Variants in OSBPL3 observed in about 807,000 individuals in gnomAD.
OSBPL3 encodes oxysterol binding protein like 3, also known as oxysterol-binding protein-related protein 3.
OSBPL3 carries 65 observed loss-of-function variants against 120.1 expected under a neutral mutation model. The observed-to-expected ratio is 0.54, with a 90% CI of 0.44 to 0.67. The LOEUF (loss-of-function observed/expected upper bound fraction) is 0.67, where lower values mean the gene tolerates loss of function less well. Ranked by LOEUF, OSBPL3 falls within the 30% of genes least tolerant of loss-of-function variation. OSBPL3 has a pLI of 0.00. For synonymous variants in OSBPL3, 416 were observed against 402.6 expected (o/e 1.03, Z -0.40); for missense variants, 1,004 against 1,082.1 (o/e 0.93, Z 1.01).
intron 1 of OSBPL3, among the ~76,000 whole-genome samples, chr7:24,904,958 TGTGA>T (rs200892787): frequency 6.8e-4 from 101 of 148,236 alleles, no homozygotes; most frequent in African/African-American, 7.9e-4. Flanking sequence ...TGTGTGTGTG[TGTGA>T]ATAAAGTTAA....
At chr7:24,915,054 T>C (rs1483599489) in intron 1 of OSBPL3, among the ~76,000 whole-genome samples, 2 of 152,218 alleles carry the variant, frequency 1.3e-5, no homozygotes, top group Non-Finnish European at 2.9e-5. Flanking sequence ...CTTTCTACTA[T>C]CTTCAGATGG....
chr7:24,845,063 G>GT (rs1324315030), intron 12 of OSBPL3, among the ~76,000 whole-genome samples: 1 of 151,922 alleles, frequency 6.6e-6, no homozygotes, highest in Non-Finnish European at 1.5e-5. Context: ...GTCTTTGCTT[G>GT]TATCATGTTA....
chr7:24,862,625 T>A lies in OSBPL3; in HGVS notation c.870+575A>T, dbSNP rs1800726564. On this transcript the variant is annotated intron_variant, in intron 9 of 22. Transcript: ENST00000313367. The surrounding 1 kb of genome is among the most constrained non-coding windows in gnomAD (Gnocchi z 4.4). ...TATGTTGATTCTAAAACTGTTGCAATTAATATGCAACAGTTAAGCTGCAAA... is the reference window on the plus strand; with the variant it reads ...TATGTTGATTCTAAAACTGTTGCAAATAATATGCAACAGTTAAGCTGCAAA... Among the ~76,000 whole-genome samples the A allele has an allele frequency of 6.6e-6, 1 of 152,144 alleles. No homozygotes were observed. The highest frequency in any genetic ancestry group is 1.5e-5 in the Non-Finnish European group (1 of 68,032).
chr7:24,884,779 T>G (rs543445066), intron 2 of OSBPL3, among the ~76,000 whole-genome samples: 52 of 152,184 alleles, frequency 3.4e-4, no homozygotes, highest in Non-Finnish European at 2.9e-4. Flanking sequence ...CAGCCGGAGA[T>G]TCAAACACTG....
At chr7:24,828,976 A>C (rs1796058098) in intron 16 of OSBPL3, among the ~76,000 whole-genome samples, 1 of 152,156 alleles carries the variant, frequency 6.6e-6, no homozygotes, top group Non-Finnish European at 1.5e-5. Context: ...GTCTTTGTGC[A>C]CATGTGCCCA....
In OSBPL3 at chr7:24,862,881, A is replaced by T. The variant is rs749880784; in HGVS notation, c.870+319T>A. ...CAGCCACAAAACAAGGCACAAACAC[A>T]AGCAGGGAAGAGCACAGGCAGGCTC... On this transcript the variant is annotated intron_variant, in intron 9 of 22. Coordinates refer to ENST00000313367, the MANE Select transcript of OSBPL3 (RefSeq NM_015550.4). The surrounding 1 kb of genome is among the most constrained non-coding windows in gnomAD (Gnocchi z 4.4). Among the ~76,000 whole-genome samples the T allele has an allele frequency of 6.6e-6, 1 of 152,164 alleles. No individual in the cohort carries two copies. The highest frequency in any genetic ancestry group is 2.4e-5 in the African/African-American group (1 of 41,434).
In OSBPL3 at chr7:24,918,767, C is replaced by T. The variant is rs984215751; in HGVS notation, c.-149-26146G>A. Among the ~76,000 whole-genome samples, 2 of 152,036 alleles carry T rather than the reference C, an allele frequency of 1.3e-5. No homozygotes were observed. Among genetic ancestry groups the T allele is most frequent in the African/African-American group, 4.8e-5 (2 of 41,402 alleles). ...ACTAGAAAATTCAGTAATTCCAATT[C>T]CTATGATGACCCTGGAGAAAATACT... On this transcript the variant is annotated intron_variant, in intron 1 of 22. Transcript: ENST00000313367. This position sits in a 1 kb window ranked among gnomAD's most constrained non-coding sequence, Gnocchi z 4.3.
chr7:24,951,431 A>G (rs1814422501), intron 1 of OSBPL3, among the ~76,000 whole-genome samples: 1 of 152,232 alleles, frequency 6.6e-6, no homozygotes, highest in Admixed American at 6.5e-5. Flanking sequence ...ACCGAAAAAT[A>G]AATCACTGAA....
At chr7:24,926,677 A>T (rs1026071167) in intron 1 of OSBPL3, among the ~76,000 whole-genome samples, 2 of 152,110 alleles carry the variant, frequency 1.3e-5, no homozygotes, top group African/African-American at 4.8e-5. Context: ...CTTCTTGTCC[A>T]TTTCTGCCTA....
intron 1 of OSBPL3, among the ~76,000 whole-genome samples, chr7:24,935,870 C>T (rs1005133968): frequency 1.3e-5 from 2 of 151,748 alleles, no homozygotes; most frequent in African/African-American, 2.4e-5. Flanking sequence ...TGTATATTCT[C>T]GAAGAAGGAA....
intron 1 of OSBPL3, among the ~76,000 whole-genome samples, chr7:24,917,591 T>C (rs1421466522): frequency 6.6e-6 from 1 of 151,740 alleles, no homozygotes; most frequent in Non-Finnish European, 1.5e-5. Flanking sequence ...ATGTTATGTA[T>C]CAGCAGACAT....
In OSBPL3 at chr7:24,972,211, A is replaced by G. The variant is rs1438542450; in HGVS notation, c.-150+7675T>C. Among the ~76,000 whole-genome samples, 4 of 152,228 alleles carry G rather than the reference A, an allele frequency of 2.6e-5. No homozygotes were observed. Among genetic ancestry groups the G allele is most frequent in the African/African-American group, 9.6e-5 (4 of 41,458 alleles). Reference sequence around the variant, plus strand: ...CAAACCTGTGTGTCGCATCAGAGAGAGAAATTCAAAACCTCAAATCAAAAG... The same window carrying G: ...CAAACCTGTGTGTCGCATCAGAGAGGGAAATTCAAAACCTCAAATCAAAAG... On this transcript the variant is annotated intron_variant, in intron 1 of 22. Coordinates refer to ENST00000313367, the MANE Select transcript of OSBPL3 (RefSeq NM_015550.4). This position sits in a 1 kb window ranked among gnomAD's most constrained non-coding sequence, Gnocchi z 4.3.
intron 16 of OSBPL3, among the ~76,000 whole-genome samples, chr7:24,826,191 T>C (rs919328215): frequency 5.9e-5 from 9 of 152,156 alleles, no homozygotes; most frequent in African/African-American, 2.2e-4. Flanking sequence ...CCCTGAACAG[T>C]AAGGAAAGAA....
In OSBPL3 at chr7:24,815,339, G is replaced by A; in HGVS notation, c.2028-136C>T. 2.9e-6 allele frequency: 2 copies of A among 690,186 alleles called. No individual in the cohort carries two copies. Among genetic ancestry groups the A allele is most frequent in the Non-Finnish European group, 4.9e-6 (2 of 405,306 alleles). 42.8% of individuals were successfully genotyped at this position (690,186 alleles called of 1,614,324 possible). A position where few individuals can be genotyped will look rare whatever the true frequency, so the allele number is the denominator to read the frequency against. ...TATTCACAGAAGCAACACTGGCTAA[G>A]TGTCTATGTCACACTGGATGTTCTA... On this transcript the variant is annotated intron_variant, in intron 18 of 22. Coordinates refer to ENST00000313367, the MANE Select transcript of OSBPL3 (RefSeq NM_015550.4). This position sits in a 1 kb window ranked among gnomAD's most constrained non-coding sequence, Gnocchi z 5.1.
intron 22 of OSBPL3, among the ~76,000 whole-genome samples, chr7:24,800,967 G>C (rs1792255038): frequency 1.3e-5 from 2 of 150,840 alleles, no homozygotes; most frequent in Admixed American, 1.3e-4. Flanking sequence ...AGGAGGCCGG[G>C]TGTGGTGGCT....
In OSBPL3 at chr7:24,958,767, T is replaced by G. The variant is rs116349781; in HGVS notation, c.-150+21119A>C. 1.1e-3 allele frequency among the ~76,000 whole-genome samples: 168 copies of G among 152,306 alleles called. 4 individuals are homozygous for G. The highest frequency in any genetic ancestry group is 3.2e-3 in the African/African-American group (135 of 41,576). On this transcript the variant is annotated intron_variant, in intron 1 of 22. Coordinates refer to ENST00000313367, the MANE Select transcript of OSBPL3 (RefSeq NM_015550.4). Reference sequence around the variant, plus strand: ...GAAGACTGAATTAAAAAGACTGCATTTCTAACTGCATATGTGGTTTTCAAC... The same window carrying G: ...GAAGACTGAATTAAAAAGACTGCATGTCTAACTGCATATGTGGTTTTCAAC...
rs1159748570 is a variant in OSBPL3 at position 24,815,604 on chromosome 7, C to T, written c.2028-401G>A. Among the ~76,000 whole-genome samples the T allele has an allele frequency of 2.0e-5, 3 of 152,212 alleles. No homozygotes were observed. The highest frequency in any genetic ancestry group is 1.3e-4 in the Admixed American group (2 of 15,288). On this transcript the variant is annotated intron_variant, in intron 18 of 22. Coordinates refer to ENST00000313367, the MANE Select transcript of OSBPL3 (RefSeq NM_015550.4). This position sits in a 1 kb window ranked among gnomAD's most constrained non-coding sequence, Gnocchi z 5.1. Reference sequence around the variant, plus strand: ...ATACAATCTGCTAAACATACATTGCCTGCATCCTTTGTGATGAGAAAGTAT... The same window carrying T: ...ATACAATCTGCTAAACATACATTGCTTGCATCCTTTGTGATGAGAAAGTAT...
rs1584751356 is a variant in OSBPL3, at chr7:24,965,309, C to T, written c.-150+14577G>A. Reference sequence around the variant, plus strand: ...ATAAGTATGAGCTCAACTATTTTTGCCCCTAGGGTAAGTCAGTCATCTGTC... The same window carrying T: ...ATAAGTATGAGCTCAACTATTTTTGTCCCTAGGGTAAGTCAGTCATCTGTC... On this transcript the variant is annotated intron_variant, in intron 1 of 22. Transcript: ENST00000313367. The surrounding 1 kb of genome is among the most constrained non-coding windows in gnomAD (Gnocchi z 4.3). Among the ~76,000 whole-genome samples the T allele has an allele frequency of 6.6e-6, 1 of 152,114 alleles. No homozygotes were observed. Among genetic ancestry groups the T allele is most frequent in the Admixed American group, 6.5e-5 (1 of 15,274 alleles).
Position 24,849,400 on chromosome 7 carries a change from T to C in OSBPL3, c.1159-224A>G. 1 of 341,896 alleles carries C rather than the reference T, an allele frequency of 2.9e-6. No homozygotes were observed. Among genetic ancestry groups the C allele is most frequent in the East Asian group, 6.2e-5 (1 of 16,164 alleles). 21.2% of individuals were successfully genotyped at this position (341,896 alleles called of 1,614,324 possible). A position where few individuals can be genotyped will look rare whatever the true frequency, so the allele number is the denominator to read the frequency against. On this transcript the variant is annotated intron_variant, in intron 11 of 22. Transcript: ENST00000313367. The surrounding 1 kb of genome is among the most constrained non-coding windows in gnomAD (Gnocchi z 5.4). Reference sequence around the variant, plus strand: ...TGGGCTCTGGAAATGATGCTCTTTTTCTTTTCTCATTCCAGACATGGAGGG... The same window carrying C: ...TGGGCTCTGGAAATGATGCTCTTTTCCTTTTCTCATTCCAGACATGGAGGG...
Sources: gnomAD v4.1 joint callset for allele counts (sites outside exome capture counted in the v4.1 genomes callset) on GRCh38, gnomAD v4.1.1 for gene constraint, Gnocchi (gnomAD v3.1) non-coding constraint, MANE v1.5 for transcripts, NCBI Gene and HGNC (gene_info 2026-07-23, HGNC 2026-07-21) for gene names.